TAF5: variants seen among roughly 807,000 people sequenced by gnomAD.
The protein encoded by TAF5 is transcription initiation factor TFIID subunit 5.
Under a neutral mutation model 80.9 loss-of-function variants are expected in TAF5, and 20 were observed. That is an observed-to-expected ratio of 0.25 (90% CI 0.17 to 0.36). TAF5 has a LOEUF of 0.36. Ranked by LOEUF, TAF5 falls within the 10% of genes least tolerant of loss-of-function variation. The pLI is 1.00. For missense variants in TAF5, 863 were observed against 1,029.4 expected (o/e 0.84, Z 2.21); for synonymous variants, 388 against 406.4 (o/e 0.95, Z 0.55).
intron 7 of TAF5, among the ~76,000 whole-genome samples, chr10:103,384,909 A>C (rs1248259517): frequency 1.3e-5 from 2 of 152,144 alleles, no homozygotes; most frequent in African/African-American, 4.8e-5. Flanking sequence ...CATAGCTTAC[A>C]CAGCATGGGA....
intron 1 of TAF5, among the ~76,000 whole-genome samples, chr10:103,372,331 G>A (rs973699219): frequency 6.7e-6 from 1 of 148,284 alleles, no homozygotes; most frequent in Non-Finnish European, 1.5e-5. Flanking sequence ...GGCTGGGCGC[G>A]GTGGCTCGTA....
At chr10:103,373,310 A>G in intron 1 of TAF5, 48 bp from the exon 2 acceptor site, 4 of 1,499,594 alleles carry the variant, frequency 2.7e-6, no homozygotes, top group East Asian at 2.3e-5. Flanking sequence ...CCATAGTCAC[A>G]TGGTCATAAT....
Position 103,388,993 on chromosome 10 carries a change from T to C in TAF5, c.*770T>C, listed in dbSNP as rs969063064. The C allele has an allele frequency of 2.0e-5, 3 of 152,694 alleles. No homozygotes were observed. The highest frequency in any genetic ancestry group is 4.4e-5 in the Non-Finnish European group (3 of 68,050). The allele number at this position is 152,694 out of a possible 1,614,324, so 9.5% of individuals were successfully genotyped here. On this transcript the variant is annotated 3_prime_UTR_variant, in exon 11 of 11. Coordinates refer to ENST00000369839, the MANE Select transcript of TAF5 (RefSeq NM_006951.5). ...CCAAGTCACTGCCAGTTTTTGCCTT[T>C]GTTGCATTTTGTACAGTTTTTATAT...
At chr10:103,372,224 C>T (rs1209115833) in intron 1 of TAF5, among the ~76,000 whole-genome samples, 3 of 151,600 alleles carry the variant, frequency 2.0e-5, no homozygotes, top group South Asian at 2.1e-4. Flanking sequence ...TGTGAGCCAC[C>T]GTGTTGGCCT....
chr10:103,385,460 T>G lies in TAF5; in HGVS notation c.1799T>G (p.Phe600Cys). The G allele has an allele frequency of 6.2e-7, 1 of 1,614,034 alleles. No individual in the cohort carries two copies. Among genetic ancestry groups the G allele is most frequent in the Non-Finnish European group, 8.5e-7 (1 of 1,179,986 alleles). The part of the protein sequence containing the change: ...DTQFSPYGYY[F>C]VSGGHDRVAR... ...CAATTTTCTCCATATGGATATTATT[T>G]TGTGTCAGGGGGCCATGACCGAGTA... Residue 600 changes from phenylalanine to cysteine, a missense_variant, in exon 8 of 11, where the codon TTT becomes TGT. Transcript: ENST00000369839.
rs766831545 is a variant in TAF5, at chr10:103,378,376, G to A, written c.939G>A (p.Ser313=). Residue 313 remains serine, a synonymous_variant, in exon 3 of 11, where the codon TCG becomes TCA. Transcript: ENST00000369839. This position sits in a 1 kb window ranked among gnomAD's most constrained non-coding sequence, Gnocchi z 4.1. ...SKFVLRISRD[S]YQLLKRHLQE... is the part of the protein sequence containing the mutation. ...TTGTTCTGCGTATTTCCCGTGACTC[G>A]TACCAACTCTTGAAGAGGCATCTTC... 58 of 1,613,964 alleles carry A rather than the reference G, an allele frequency of 3.6e-5. No individual in the cohort carries two copies. The highest frequency in any genetic ancestry group is 4.7e-5 in the Non-Finnish European group (56 of 1,180,030).
intron 10 of TAF5, 74 bp from the exon 11 acceptor site, chr10:103,387,932 A>G (rs1215792451): frequency 1.4e-6 from 2 of 1,385,260 alleles, no homozygotes; most frequent in South Asian, 1.2e-5. Context: ...CAGTAAATAC[A>G]TAGTGTAGTG....
Position 103,379,533 on chromosome 10 carries a change from T to G in TAF5, c.1114-75T>G, listed in dbSNP as rs2093377331. 17 of 1,244,198 alleles carry G rather than the reference T, an allele frequency of 1.4e-5. No individual in the cohort carries two copies. In the South Asian group the frequency reaches 2.8e-4, roughly 20 times the overall value. 77.1% of individuals were successfully genotyped at this position (1,244,198 alleles called of 1,614,324 possible). On this transcript the variant is annotated intron_variant, in intron 3 of 10. Transcript: ENST00000369839. ...TAAATTACTATTTTGTAATTGTGATTTATCCTATCAAGATGTAAAATGGGT... is the reference window on the plus strand; with the variant it reads ...TAAATTACTATTTTGTAATTGTGATGTATCCTATCAAGATGTAAAATGGGT...
chr10:103,372,643 C>T (rs1238339042), intron 1 of TAF5, among the ~76,000 whole-genome samples: 6 of 150,484 alleles, frequency 4.0e-5, no homozygotes, highest in Middle Eastern at 3.4e-3. Context: ...GGCTCATACT[C>T]GTAATCCCAG....
chr10:103,385,078 C>T (rs2093392708), intron 7 of TAF5, among the ~76,000 whole-genome samples: 1 of 152,038 alleles, frequency 6.6e-6, no homozygotes, highest in South Asian at 2.1e-4. Flanking sequence ...GTTTTTGTAT[C>T]ATATTACCTC....
intron 8 of TAF5, among the ~76,000 whole-genome samples, chr10:103,385,925 C>CAAAAAAAAAAAAAAAAAAAAAAAAAAA (rs761128565): frequency 2.4e-5 from 1 of 41,200 alleles, no homozygotes; most frequent in Non-Finnish European, 4.0e-5. Context: ...GACTTCATCT[C>CAAAAAAAAAAAAAAAAAAAAAAAAAAA]AAAAAAAAAA....
intron 6 of TAF5, among the ~76,000 whole-genome samples, chr10:103,382,894 C>T (rs1031832977): frequency 5.9e-5 from 9 of 152,140 alleles, no homozygotes; most frequent in East Asian, 1.9e-4. Flanking sequence ...GCAATCTGCC[C>T]GCCTTGGCCT....
At chr10:103,387,931 C>A in intron 10 of TAF5, 75 bp from the exon 11 acceptor site, 1 of 1,379,566 alleles carries the variant, frequency 7.2e-7, no homozygotes. Flanking sequence ...ACAGTAAATA[C>A]ATAGTGTAGT....
At chr10:103,381,601 A>G (rs2093383058) in intron 5 of TAF5, 120 bp from the exon 6 acceptor site, 2 of 1,144,022 alleles carry the variant, frequency 1.7e-6, no homozygotes, top group Non-Finnish European at 2.5e-6. Flanking sequence ...AAGTCTTTAT[A>G]TATTCCTTAA....
At chr10:103,377,131 C>G (rs1372181843) in intron 2 of TAF5, among the ~76,000 whole-genome samples, 2 of 152,150 alleles carry the variant, frequency 1.3e-5, no homozygotes, top group Non-Finnish European at 2.9e-5. Context: ...GGCTTCAGAG[C>G]AAGAACCTGT....
chr10:103,368,481 G>C lies in TAF5; in HGVS notation c.492G>C (p.Pro164=). ...SAPGPAAPDP[P]GTGASGATVV... ...CTGGCCCTGCGGCCCCCGACCCTCC[G>C]GGCACTGGCGCTTCGGGGGCCACGG... Residue 164 remains proline (P), a synonymous_variant, in exon 1 of 11, where the codon CCG becomes CCC. Transcript: ENST00000369839. The C allele has an allele frequency of 6.4e-7, 1 of 1,571,418 alleles. No individual in the cohort carries two copies. Among genetic ancestry groups the C allele is most frequent in the Non-Finnish European group, 8.6e-7 (1 of 1,167,488 alleles).
In TAF5 at chr10:103,381,658, A is replaced by G. The variant is rs1592094374; in HGVS notation, c.1414-63A>G. ...TTAGTATAGTGTGAAAATGATTAAC[A>G]TTTGCTTCCTATCTCTAAATATCCT... On this transcript the variant is annotated intron_variant, in intron 5 of 10. Transcript: ENST00000369839. 3.2e-6 allele frequency: 5 copies of G among 1,555,772 alleles called. No homozygotes were observed. In the East Asian group the frequency reaches 1.1e-4, roughly 35 times the overall value.
At chr10:103,379,342 C>G (rs904934028) in intron 3 of TAF5, among the ~76,000 whole-genome samples, 6 of 152,192 alleles carry the variant, frequency 3.9e-5, no homozygotes, top group Non-Finnish European at 8.8e-5. Flanking sequence ...TTTGATACAA[C>G]CATACCCAGT....
chr10:103,380,956 AT>A (rs1796869439), intron 5 of TAF5, among the ~76,000 whole-genome samples: 1 of 149,832 alleles, frequency 6.7e-6, no homozygotes, highest in African/African-American at 2.5e-5. Flanking sequence ...TTTTAATTTA[AT>A]TTCATTTTTT....
Sources: gnomAD v4.1 joint callset for allele counts (sites outside exome capture counted in the v4.1 genomes callset) on GRCh38, gnomAD v4.1.1 for gene constraint, Gnocchi (gnomAD v3.1) non-coding constraint, MANE v1.5 for transcripts, NCBI Gene and HGNC (gene_info 2026-07-23, HGNC 2026-07-21) for gene names.